The following TASP1 variants were observed in gnomAD, a reference collection of about 807,000 sequenced individuals.
The protein encoded by TASP1 is taspase 1.
A neutral mutation model predicts 56.6 loss-of-function variants in TASP1; 16 were observed. The observed-to-expected ratio is 0.28, with a 90% CI of 0.19 to 0.43. TASP1 has a LOEUF of 0.43. Ranked by LOEUF, TASP1 falls within the 20% of genes least tolerant of loss-of-function variation. The pLI is 1.00. For missense variants in TASP1, 393 were observed against 511.6 expected, an observed-to-expected ratio of 0.77 and a Z score of 2.24; for synonymous variants, 179 against 184.2, an observed-to-expected ratio of 0.97 and a Z score of 0.23.
chr20:13,479,550 C>T (rs1380612308), intron 11 of TASP1, among the ~76,000 whole-genome samples: 1 of 151,406 alleles, frequency 6.6e-6, no homozygotes, highest in Non-Finnish European at 1.5e-5. Context: ...GCAATCTCTG[C>T]CTCCCATGTT....
intron 13 of TASP1, among the ~76,000 whole-genome samples, chr20:13,394,567 G>A (rs1158962628): frequency 9.2e-5 from 14 of 151,764 alleles, no homozygotes; most frequent in African/African-American, 3.1e-4. Flanking sequence ...AGCCAAGATC[G>A]CGCCACTGCA....
chr20:13,495,627 G>T (rs2043693116), intron 10 of TASP1, among the ~76,000 whole-genome samples: 1 of 152,096 alleles, frequency 6.6e-6, no homozygotes. Context: ...ATACAGGAAG[G>T]CCACCTCAAA....
the TASP1 span, chr20:13,117,412 C>A: frequency 8.3e-7 from 1 of 1,202,604 alleles, no homozygotes; most frequent in Non-Finnish European, 1.1e-6. Flanking sequence ...TGGCGTGTGT[C>A]AGGGAAGACT....
rs146505951 is a variant in TASP1 at position 13,600,917 on chromosome 20, C to G, written c.283-13547G>C. On this transcript the variant is annotated intron_variant, in intron 4 of 13. Transcript: ENST00000337743. The stretch of plus-strand genomic sequence containing the variant: ...CCAAGCTTTGGATTCAAATACTATT[C>G]TCCAATAAGGTAACCAGTATTCCTT... Among the ~76,000 whole-genome samples, 115 of 152,258 alleles carry G rather than the reference C, an allele frequency of 7.6e-4. No homozygotes were observed. The Middle Eastern group carries it at 0.017, about 23-fold the overall frequency.
At chr20:13,285,880 T>C in the TASP1 span, among the ~76,000 whole-genome samples, 2 of 152,302 alleles carry the variant, frequency 1.3e-5, no homozygotes, top group East Asian at 3.9e-4. Context: ...GGGTGATGTC[T>C]CTCCAAATTT....
chr20:13,607,307 T>G (rs2048193648), intron 4 of TASP1, among the ~76,000 whole-genome samples: 1 of 152,160 alleles, frequency 6.6e-6, no homozygotes, highest in African/African-American at 2.4e-5. Flanking sequence ...TTAATGAAAT[T>G]TTGGAACCCC....
chr20:13,586,192 A>AC lies in TASP1; in HGVS notation c.403+1057_403+1058insG, dbSNP rs1338784047. On this transcript the variant is annotated intron_variant, in intron 5 of 13. Coordinates refer to ENST00000337743, the MANE Select transcript of TASP1 (RefSeq NM_017714.3). Reference sequence around the variant, plus strand: ...TCCATCTCAAAAAAAAAAAAAAAAAAAAAACAGAAGTACATATGTCTACCA... The same window carrying AC: ...TCCATCTCAAAAAAAAAAAAAAAAAACAAAACAGAAGTACATATGTCTACCA... Among the ~76,000 whole-genome samples the AC allele has an allele frequency of 3.1e-4, 47 of 151,736 alleles. No homozygotes were observed. In the South Asian group the frequency reaches 9.9e-3, roughly 32 times the overall value.
At chr20:13,415,925 G>C (rs2042239326) in intron 13 of TASP1, among the ~76,000 whole-genome samples, 1 of 152,152 alleles carries the variant, frequency 6.6e-6, no homozygotes, top group Admixed American at 6.5e-5. Flanking sequence ...GCTACTGTTA[G>C]GCAAGGATTC....
chr20:13,363,838 G>A, the TASP1 span, among the ~76,000 whole-genome samples: 1 of 151,972 alleles, frequency 6.6e-6, no homozygotes, highest in African/African-American at 2.4e-5. Context: ...GCATTGAGTA[G>A]TGTGTGTGAG....
intron 12 of TASP1, among the ~76,000 whole-genome samples, chr20:13,430,812 AT>A (rs1383213858): frequency 2.6e-5 from 4 of 152,198 alleles, no homozygotes; most frequent in African/African-American, 9.6e-5. Context: ...AGATTCTCCG[AT>A]TCTATTCATG....
intron 5 of TASP1, among the ~76,000 whole-genome samples, chr20:13,585,095 C>T (rs951555807): frequency 2.0e-5 from 3 of 152,232 alleles, no homozygotes; most frequent in East Asian, 1.9e-4. Flanking sequence ...TTTCCCAACA[C>T]AATTCTGTGA....
At chr20:13,282,115 AC>A in the TASP1 span, among the ~76,000 whole-genome samples, 1 of 151,892 alleles carries the variant, frequency 6.6e-6, no homozygotes, top group Non-Finnish European at 1.5e-5. Context: ...ATGGTTCTCC[AC>A]CTTGATTGCT....
chr20:13,128,689 T>C, the TASP1 span, among the ~76,000 whole-genome samples: 1 of 151,880 alleles, frequency 6.6e-6, no homozygotes, highest in Non-Finnish European at 1.5e-5. Context: ...TTTTTTGTTT[T>C]TTGGGTTTTT....
Position 13,635,493 on chromosome 20 carries a change from T to A in TASP1, c.-75+3401A>T, listed in dbSNP as rs977542096. Among the ~76,000 whole-genome samples, 95 of 150,444 alleles carry A rather than the reference T, an allele frequency of 6.3e-4. 1 individual carries two copies. The highest frequency in any genetic ancestry group is 2.2e-3 in the African/African-American group (88 of 40,794). On this transcript the variant is annotated intron_variant, in intron 1 of 13. Transcript: ENST00000337743. ...ACCTCTGCCTCCCGGGTTCAAACAA[T>A]TCTCCTGCCTCAGCCTCCTGAGTGG...
chr20:13,573,734 A>G (rs1053142883), intron 6 of TASP1, among the ~76,000 whole-genome samples: 1 of 152,156 alleles, frequency 6.6e-6, no homozygotes, highest in Non-Finnish European at 1.5e-5. Context: ...TGAAGTGGTG[A>G]AAAAAACAAA....
At chr20:13,346,080 C>T in the TASP1 span, among the ~76,000 whole-genome samples, 1 of 152,082 alleles carries the variant, frequency 6.6e-6, no homozygotes, top group East Asian at 1.9e-4. Context: ...TCTTCTGCTT[C>T]ATGACTTACA....
intron 12 of TASP1, among the ~76,000 whole-genome samples, chr20:13,427,463 A>G (rs1308007532): frequency 2.6e-5 from 4 of 152,234 alleles, no homozygotes; most frequent in African/African-American, 4.8e-5. Context: ...TTATCCTTTC[A>G]GGTAATTATG....
the TASP1 span, among the ~76,000 whole-genome samples, chr20:13,249,825 GTTTTGTTTT>G: frequency 2.3e-5 from 3 of 131,226 alleles, no homozygotes; most frequent in African/African-American, 6.2e-5. Context: ...GTTTTGTTTT[GTTTTGTTTT>G]GTTTCCTGGC....
intron 5 of TASP1, 103 bp downstream of exon 5, chr20:13,587,147 A>T: frequency 7.3e-7 from 1 of 1,374,908 alleles, no homozygotes; most frequent in Non-Finnish European, 9.8e-7. Flanking sequence ...TTTAAACACT[A>T]TTCCAAGCAG....
Sources: gnomAD v4.1 joint callset for allele counts (sites outside exome capture counted in the v4.1 genomes callset) on GRCh38, gnomAD v4.1.1 for gene constraint, MANE v1.5 for transcripts, NCBI Gene and HGNC (gene_info 2026-07-23, HGNC 2026-07-21) for gene names.